ADCY8: variants seen among roughly 807,000 people sequenced by gnomAD.
ADCY8 encodes adenylate cyclase 8.
A neutral mutation model predicts 119.7 loss-of-function variants in ADCY8; 51 were observed. The observed-to-expected ratio is 0.43, with a 90% CI of 0.34 to 0.54. ADCY8 has a LOEUF of 0.54. Ranked by LOEUF, ADCY8 falls within the 20% of genes least tolerant of loss-of-function variation. The pLI is 0.03. For synonymous variants in ADCY8, 665 were observed against 651.0 expected (o/e 1.02, Z -0.33); for missense variants, 1,383 against 1,598.8 (o/e 0.87, Z 2.30).
chr8:130,963,263 T>C (rs1010866684), intron 2 of ADCY8, among the ~76,000 whole-genome samples: 1 of 152,186 alleles, frequency 6.6e-6, no homozygotes, highest in African/African-American at 2.4e-5. Context: ...AGAACCATTG[T>C]TCTAAAAGCA....
chr8:130,977,518 T>C (rs957988005), intron 2 of ADCY8, among the ~76,000 whole-genome samples: 13 of 152,218 alleles, frequency 8.5e-5, no homozygotes, highest in Admixed American at 2.6e-4. Context: ...TTTTGCTTTC[T>C]GTGGAATGTA....
At chr8:130,798,052 A>G (rs1207409520) in intron 15 of ADCY8, among the ~76,000 whole-genome samples, 1 of 152,244 alleles carries the variant, frequency 6.6e-6, no homozygotes, top group African/African-American at 2.4e-5. Context: ...ATGAAGGCTA[A>G]TAATTCCTAG....
intron 8 of ADCY8, among the ~76,000 whole-genome samples, chr8:130,870,193 T>C (rs1818301855): frequency 6.6e-6 from 1 of 151,924 alleles, no homozygotes; most frequent in Non-Finnish European, 1.5e-5. Flanking sequence ...TTTGTATTTT[T>C]AGTAGAGATG....
chr8:130,793,076 G>C (rs1404473880), intron 15 of ADCY8, among the ~76,000 whole-genome samples: 1 of 152,166 alleles, frequency 6.6e-6, no homozygotes, highest in Admixed American at 6.5e-5. Context: ...CCCTAAGGCA[G>C]CACAAGTCAG....
At chr8:130,901,801 A>G (rs1258017436) in intron 7 of ADCY8, among the ~76,000 whole-genome samples, 1 of 152,166 alleles carries the variant, frequency 6.6e-6, no homozygotes, top group Non-Finnish European at 1.5e-5. Flanking sequence ...CGTGCTAAAG[A>G]TGGCACAGAT....
chr8:131,016,601 G>A (rs1020853314), intron 1 of ADCY8, among the ~76,000 whole-genome samples: 2 of 152,286 alleles, frequency 1.3e-5, no homozygotes, highest in African/African-American at 4.8e-5. Context: ...AGATCTCTGA[G>A]GAAAGGATAA....
In ADCY8 at chr8:130,821,337, A is replaced by C. The variant is rs965819161; in HGVS notation, c.2754+5T>G. ...CAGAGCAGTCAGAGCGAAATGTTAG[A>C]TTACCTGCTGTCCATGGTAGAACAC... is the stretch of plus-strand genomic sequence containing the variant. On this transcript the variant is annotated splice_donor_5th_base_variant and intron_variant, in intron 13 of 17. Coordinates refer to ENST00000286355, the MANE Select transcript of ADCY8 (RefSeq NM_001115.3). 2 of 1,611,912 alleles carry C rather than the reference A, an allele frequency of 1.2e-6. No homozygotes were observed. The highest frequency in any genetic ancestry group is 2.2e-5 in the East Asian group (1 of 44,848).
At chr8:130,802,087 C>T (rs1198025946) in intron 14 of ADCY8, among the ~76,000 whole-genome samples, 2 of 151,994 alleles carry the variant, frequency 1.3e-5, no homozygotes, top group African/African-American at 4.8e-5. Context: ...TTCAAGCTAC[C>T]ATGTCTCATG....
intron 14 of ADCY8, among the ~76,000 whole-genome samples, chr8:130,807,228 T>TC (rs1815993470): frequency 6.6e-6 from 1 of 152,210 alleles, no homozygotes; most frequent in Non-Finnish European, 1.5e-5. Context: ...CAACTCCAAG[T>TC]CCTGCGTTGC....
At chr8:130,955,454 C>T (rs189193288) in intron 2 of ADCY8, among the ~76,000 whole-genome samples, 1 of 152,060 alleles carries the variant, frequency 6.6e-6, no homozygotes, top group Non-Finnish European at 1.5e-5. Context: ...CCCTCCAAGC[C>T]CCATTTTCAG....
At chr8:130,862,576 CT>C (rs1420893901) in intron 9 of ADCY8, among the ~76,000 whole-genome samples, 1 of 152,108 alleles carries the variant, frequency 6.6e-6, no homozygotes, top group African/African-American at 2.4e-5. Flanking sequence ...CCACGCCTGG[CT>C]AATTTTTTGT....
At chr8:130,946,308 A>C (rs986708826) in intron 3 of ADCY8, among the ~76,000 whole-genome samples, 2 of 152,238 alleles carry the variant, frequency 1.3e-5, no homozygotes, top group African/African-American at 2.4e-5. Flanking sequence ...AGCTAAGGTC[A>C]TAAAAGTTTC....
chr8:130,796,947 C>T (rs1294372398), intron 15 of ADCY8, among the ~76,000 whole-genome samples: 4 of 152,124 alleles, frequency 2.6e-5, no homozygotes, highest in African/African-American at 9.7e-5. Context: ...TTCCAACTTC[C>T]CTCTGCAAAC....
chr8:130,846,939 C>CCT (rs1563689930), intron 11 of ADCY8, among the ~76,000 whole-genome samples: 13 of 119,478 alleles, frequency 1.1e-4, no homozygotes, highest in African/African-American at 3.9e-4. Flanking sequence ...TTCCTTCCTT[C>CCT]TCCTTCCTTC....
chr8:130,893,283 G>A (rs567814550), intron 7 of ADCY8, among the ~76,000 whole-genome samples: 27 of 152,210 alleles, frequency 1.8e-4, no homozygotes, highest in South Asian at 6.2e-4. Flanking sequence ...ACTTCATCTC[G>A]AGATTAGGGA....
At chr8:130,867,253 CTA>C (rs2130387989) in intron 9 of ADCY8, among the ~76,000 whole-genome samples, 1 of 152,262 alleles carries the variant, frequency 6.6e-6, no homozygotes, top group Non-Finnish European at 1.5e-5. Flanking sequence ...GACTCTAGAG[CTA>C]GTCTTCCTGG....
chr8:130,794,326 C>A (rs965145110), intron 15 of ADCY8, among the ~76,000 whole-genome samples: 9 of 152,170 alleles, frequency 5.9e-5, no homozygotes, highest in African/African-American at 2.2e-4. Flanking sequence ...CTCACTGCAA[C>A]CTCCACTTCC....
chr8:131,000,867 G>A (rs1338548815), intron 1 of ADCY8, among the ~76,000 whole-genome samples: 1 of 152,042 alleles, frequency 6.6e-6, no homozygotes, highest in African/African-American at 2.4e-5. Flanking sequence ...CGCGTTGTCT[G>A]CAGGCCTTTC....
intron 9 of ADCY8, among the ~76,000 whole-genome samples, chr8:130,863,519 C>G (rs1046281599): frequency 1.3e-5 from 2 of 151,922 alleles, no homozygotes; most frequent in Admixed American, 6.6e-5. Context: ...CTTTTTCATC[C>G]ATTGCATTTA....
Sources: gnomAD v4.1 joint callset for allele counts (sites outside exome capture counted in the v4.1 genomes callset) on GRCh38, gnomAD v4.1.1 for gene constraint, MANE v1.5 for transcripts, NCBI Gene and HGNC (gene_info 2026-07-23, HGNC 2026-07-21) for gene names.